The following NINJ2 variants were observed in gnomAD, a reference collection of about 807,000 sequenced individuals.
NINJ2 encodes ninjurin-2.
In NINJ2, 12 loss-of-function variants were observed where a neutral mutation model predicts 11.7. That is an observed-to-expected ratio of 1.02 (90% CI 0.66 to 1.66). The LOEUF is 1.66. NINJ2 is among the 40% of genes most tolerant of loss of function. NINJ2 has a pLI of 0.00. For missense variants in NINJ2, 187 were observed against 181.8 expected (o/e 1.03, Z -0.16); for synonymous variants, 93 against 76.8 (o/e 1.21, Z -1.10).
At chr12:661,954 A>T (rs1311651034) in intron 1 of NINJ2, among the ~76,000 whole-genome samples, 1 of 152,242 alleles carries the variant, frequency 6.6e-6, no homozygotes, top group Admixed American at 6.5e-5. Flanking sequence ...CTGCCCTCAG[A>T]GATCTTGTGT....
At chr12:657,450 A>AT (rs1339145948) in intron 1 of NINJ2, among the ~76,000 whole-genome samples, 3 of 152,066 alleles carry the variant, frequency 2.0e-5, no homozygotes, top group Non-Finnish European at 4.4e-5. Context: ...TAGCCGGGGC[A>AT]TGGTGGCGCA....
chr12:612,025 G>C (rs1303540698), intron 1 of NINJ2, among the ~76,000 whole-genome samples: 1 of 152,196 alleles, frequency 6.6e-6, no homozygotes, highest in Non-Finnish European at 1.5e-5. Flanking sequence ...GCCCTAAAAG[G>C]AAGGCACCTG....
chr12:605,366 T>G (rs931587050), intron 1 of NINJ2, among the ~76,000 whole-genome samples: 13 of 152,060 alleles, frequency 8.5e-5, no homozygotes, highest in African/African-American at 2.9e-4. Context: ...CCAACACCTA[T>G]CCCCAGACAG....
At chr12:637,461 G>A (rs375406652) in intron 1 of NINJ2, among the ~76,000 whole-genome samples, 20 of 151,146 alleles carry the variant, frequency 1.3e-4, no homozygotes, top group African/African-American at 4.6e-4. Context: ...CCAACACGGT[G>A]AAACCCCCGT....
intron 1 of NINJ2, among the ~76,000 whole-genome samples, chr12:579,705 C>G (rs1270557459): frequency 6.6e-6 from 1 of 152,122 alleles, no homozygotes; most frequent in Non-Finnish European, 1.5e-5. Flanking sequence ...AGAATGTGCC[C>G]CGAGCCTCAC....
chr12:610,606 G>C, intron 1 of NINJ2: 1 of 985,440 alleles, frequency 1.0e-6, no homozygotes, highest in Non-Finnish European at 1.2e-6. Context: ...CCCAGCCACA[G>C]GAGGGGGTTA....
At position 629,302 on chromosome 12, in the gene NINJ2, G is replaced by A. The variant is rs144880616; in HGVS notation, c.33+34026C>T. On this transcript the variant is annotated intron_variant, in intron 1 of 3. Coordinates refer to ENST00000305108, the MANE Select transcript of NINJ2 (RefSeq NM_016533.6). ...GGATGAACAGCTTCCCAAGTTCACC[G>A]AAGGAGTAAGTGGTCCACAGGACTA... Among the ~76,000 whole-genome samples the A allele has an allele frequency of 3.3e-3, 501 of 152,306 alleles. 1 individual carries two copies. Among genetic ancestry groups the A allele is most frequent in the African/African-American group, 0.011 (470 of 41,570 alleles).
intron 1 of NINJ2, among the ~76,000 whole-genome samples, chr12:619,601 C>T (rs1948130454): frequency 6.6e-6 from 1 of 152,180 alleles, no homozygotes; most frequent in Non-Finnish European, 1.5e-5. Flanking sequence ...CTCCTGGGCC[C>T]TTGCAGGATG....
At position 614,709 on chromosome 12, in the gene NINJ2, G is replaced by A. The variant is rs1948071563; in HGVS notation, c.34-48531C>T. ...TCATTTTTTTTTCCTCCAAAGAAGG[G>A]AACAAAGGCTTGACACCTCAGGGCT... On this transcript the variant is annotated intron_variant, in intron 1 of 3. Coordinates refer to ENST00000305108, the MANE Select transcript of NINJ2 (RefSeq NM_016533.6). The surrounding 1 kb of genome is among the most constrained non-coding windows in gnomAD (Gnocchi z 5.1). 6.6e-6 allele frequency among the ~76,000 whole-genome samples: 1 copy of A among 152,102 alleles called. No individual in the cohort carries two copies.
rs73598116 is a variant in NINJ2 at position 631,284 on chromosome 12, G to A, written c.33+32044C>T. ...CTGGGCAGTCTCTAATGACCCCTGG[G>A]GTATGTTCCAGACATGCGTGGGCAT... is the stretch of plus-strand genomic sequence containing the variant. On this transcript the variant is annotated intron_variant, in intron 1 of 3. Transcript: ENST00000305108. Among the ~76,000 whole-genome samples, 1,230 of 152,260 alleles carry A rather than the reference G, an allele frequency of 8.1e-3. 23 individuals carry two copies. The highest frequency in any genetic ancestry group is 0.028 in the African/African-American group (1,150 of 41,544).
rs1262599194 is a variant in NINJ2, at chr12:580,920, TTGTG to T, written c.34-14746_34-14743del. Among the ~76,000 whole-genome samples the T allele has an allele frequency of 6.8e-6, 1 of 146,174 alleles. No individual in the cohort carries two copies. The highest frequency in any genetic ancestry group is 2.0e-4 in the East Asian group (1 of 4,914). Reference sequence around the variant, plus strand: ...TGTGTCTGTGTGTGTGTCTGTATGTTTGTGTGTGTGTGCCTGTGTGTCTGTGTGT... The same window carrying T: ...TGTGTCTGTGTGTGTGTCTGTATGTTTGTGTGTGCCTGTGTGTCTGTGTGT... On this transcript the variant is annotated intron_variant, in intron 1 of 3. Transcript: ENST00000305108. This position sits in a 1 kb window ranked among gnomAD's most constrained non-coding sequence, Gnocchi z 4.7.
intron 1 of NINJ2, among the ~76,000 whole-genome samples, chr12:568,893 C>T (rs1472231476): frequency 6.8e-6 from 1 of 147,020 alleles, no homozygotes; most frequent in Non-Finnish European, 1.5e-5. Flanking sequence ...CCCCCCCGCC[C>T]CCCGGGTAAG....
At chr12:654,995 A>T (rs1937854474) in intron 1 of NINJ2, among the ~76,000 whole-genome samples, 1 of 152,204 alleles carries the variant, frequency 6.6e-6, no homozygotes. Context: ...ATATTAATAG[A>T]TGTAGAAAAA....
rs547913491 is a variant in NINJ2, at chr12:655,896, G to A, written c.33+7432C>T. 4.0e-5 allele frequency among the ~76,000 whole-genome samples: 6 copies of A among 151,788 alleles called. 1 individual carries two copies. In the South Asian group the frequency reaches 8.3e-4, roughly 21 times the overall value. On this transcript the variant is annotated intron_variant, in intron 1 of 3. Coordinates refer to ENST00000305108, the MANE Select transcript of NINJ2 (RefSeq NM_016533.6). ...CCACTGTACTCCAGCCTGGGTGACAGAGCAAGACTCCATCTTAATAAATAA... is the reference window on the plus strand; with the variant it reads ...CCACTGTACTCCAGCCTGGGTGACAAAGCAAGACTCCATCTTAATAAATAA...
intron 1 of NINJ2, among the ~76,000 whole-genome samples, chr12:573,773 G>GC: frequency 6.6e-6 from 1 of 152,276 alleles, no homozygotes; most frequent in Middle Eastern, 3.4e-3. Context: ...GTGTCCCTGA[G>GC]CCCCTGCACT....
chr12:643,982 A>C (rs1277735539), intron 1 of NINJ2: 1 of 154,886 alleles, frequency 6.5e-6, no homozygotes, highest in African/African-American at 2.4e-5. Flanking sequence ...ACCTGAGCGC[A>C]GGAACCATGG....
chr12:619,644 C>G (rs1565637884), intron 1 of NINJ2, among the ~76,000 whole-genome samples: 2 of 152,176 alleles, frequency 1.3e-5, no homozygotes, highest in Admixed American at 1.3e-4. Flanking sequence ...AGATAGTCTC[C>G]CGGAAGAGAG....
At chr12:630,918 A>C (rs1948273605) in intron 1 of NINJ2, 1 of 150,174 alleles carries the variant, frequency 6.7e-6, no homozygotes, top group South Asian at 2.2e-4. Flanking sequence ...TCTAGGGGGG[A>C]GCCGCTTCTT....
At chr12:588,194 C>G (rs75681256) in intron 1 of NINJ2, among the ~76,000 whole-genome samples, 3,209 of 42,536 alleles carry the variant, frequency 0.075, 127 homozygotes, top group African/African-American at 0.2. Context: ...ACGGAAGGGA[C>G]GGAGGGGACG....
Sources: gnomAD v4.1 joint callset for allele counts (sites outside exome capture counted in the v4.1 genomes callset) on GRCh38, gnomAD v4.1.1 for gene constraint, Gnocchi (gnomAD v3.1) non-coding constraint, MANE v1.5 for transcripts, NCBI Gene and HGNC (gene_info 2026-07-23, HGNC 2026-07-21) for gene names.